The following NIBAN2 variants were observed in gnomAD, a reference collection of about 807,000 sequenced individuals.
NIBAN2 encodes niban apoptosis regulator 2, also known as protein Niban 2.
In NIBAN2, 36 loss-of-function variants were observed where a neutral mutation model predicts 81.8. The ratio of observed to expected loss-of-function variants is 0.44; its 90% CI spans 0.34 to 0.58. NIBAN2 has a LOEUF of 0.58. Among genes scored for constraint, NIBAN2 ranks in the 20% least tolerant of loss-of-function variants. The probability of loss-of-function intolerance (pLI) is 0.02; values close to 1 mark genes in which losing one functional copy is unlikely to be tolerated. For synonymous variants in NIBAN2, 445 were observed against 441.6 expected, an observed-to-expected ratio of 1.01 and a Z score of -0.10; for missense variants, 897 against 1,014.1, an observed-to-expected ratio of 0.88 and a Z score of 1.57.
In NIBAN2 at chr9:127,527,312, T is replaced by C. The variant is rs769087468; in HGVS notation, c.197A>G (p.Asp66Gly). ...GTTCCCCGAGAAGACGATGCGCTCGTCCAGTGGCACCTGTGGGCAGGAGCG... is the reference window on the plus strand; with the variant it reads ...GTTCCCCGAGAAGACGATGCGCTCGCCCAGTGGCACCTGTGGGCAGGAGCG... ...AQLLWRKVPLDERIVFSGNLF... is the reference protein window; with the variant it reads ...AQLLWRKVPLGERIVFSGNLF... Residue 66 changes from aspartate (D) to glycine (G), a missense_variant, in exon 3 of 14, where the codon GAC becomes GGC. By Grantham distance (94) the Asp-to-Gly change is moderately conservative. Coordinates refer to ENST00000373312, the MANE Select transcript of NIBAN2 (RefSeq NM_022833.4). 6.2e-7 allele frequency: 1 copy of C among 1,611,074 alleles called. No homozygotes were observed. The highest frequency in any genetic ancestry group is 8.5e-7 in the Non-Finnish European group (1 of 1,178,822).
At chr9:127,546,427 G>A (rs1366938622) in intron 1 of NIBAN2, among the ~76,000 whole-genome samples, 6 of 152,120 alleles carry the variant, frequency 3.9e-5, no homozygotes, top group African/African-American at 1.4e-4. Flanking sequence ...GCCCCCCACG[G>A]GCCTGGACAC....
At chr9:127,544,387 A>G (rs1109134) in intron 1 of NIBAN2, among the ~76,000 whole-genome samples, 150,554 of 152,332 alleles carry the variant, frequency 0.99, 74,426 homozygotes, top group East Asian at 1. Context: ...CAAGGTTGCT[A>G]GGGCAGGGAG....
At chr9:127,554,457 G>A (rs964867582) in intron 1 of NIBAN2, among the ~76,000 whole-genome samples, 1 of 152,022 alleles carries the variant, frequency 6.6e-6, no homozygotes, top group Non-Finnish European at 1.5e-5. Flanking sequence ...GGCTCCAGTC[G>A]GGCCAGAATG....
chr9:127,524,912 C>CA (rs1156758676), intron 4 of NIBAN2, 146 bp downstream of exon 4: 2 of 620,322 alleles, frequency 3.2e-6, no homozygotes, highest in African/African-American at 1.8e-5. Flanking sequence ...GAAAGGCAAA[C>CA]AATGAGGTCT....
At chr9:127,541,851 T>C (rs375227867) in intron 1 of NIBAN2, among the ~76,000 whole-genome samples, 1 of 152,142 alleles carries the variant, frequency 6.6e-6, no homozygotes, top group South Asian at 2.1e-4. Context: ...GGACCCCCCT[T>C]CTGGGCCTGA....
upstream of NIBAN2, among the ~76,000 whole-genome samples, chr9:127,571,498 C>A (rs1427212358): frequency 6.6e-6 from 1 of 152,088 alleles, no homozygotes; most frequent in African/African-American, 2.4e-5. Context: ...GAGTCTGAGA[C>A]CAGTCTGGCC....
At chr9:127,534,720 G>A (rs940641336) in intron 1 of NIBAN2, among the ~76,000 whole-genome samples, 1 of 152,144 alleles carries the variant, frequency 6.6e-6, no homozygotes, top group Non-Finnish European at 1.5e-5. Context: ...GGGAGGAAGG[G>A]GAGAACAAAT....
chr9:127,524,535 C>A (rs111413188), intron 4 of NIBAN2, among the ~76,000 whole-genome samples: 7,139 of 152,236 alleles, frequency 0.047, 548 homozygotes, highest in African/African-American at 0.16. Context: ...CTCGCCCAAG[C>A]AGACACAGTG....
intron 1 of NIBAN2, among the ~76,000 whole-genome samples, chr9:127,532,504 G>A (rs1302587219): frequency 6.6e-6 from 1 of 152,150 alleles, no homozygotes; most frequent in African/African-American, 2.4e-5. Context: ...ACTGAGGCAG[G>A]AGAATCACTT....
upstream of NIBAN2, among the ~76,000 whole-genome samples, chr9:127,569,279 C>G (rs28605390): frequency 0.31 from 45,204 of 148,112 alleles, 7,814 homozygotes; most frequent in African/African-American, 0.47. Flanking sequence ...GCCCCGCCCC[C>G]TCCGCTGCCT....
upstream of NIBAN2, among the ~76,000 whole-genome samples, chr9:127,571,856 T>C (rs919684922): frequency 6.6e-6 from 1 of 151,928 alleles, no homozygotes; most frequent in Non-Finnish European, 1.5e-5. Flanking sequence ...TGTCTAGGGA[T>C]GGGATGAAGG....
At chr9:127,575,230 CTTTT>C (rs11309796) in intron 1 of NIBAN2, among the ~76,000 whole-genome samples, 2 of 122,548 alleles carry the variant, frequency 1.6e-5, no homozygotes, top group Admixed American at 8.3e-5. Flanking sequence ...AATATGGATT[CTTTT>C]TTTTTTTTTT....
At chr9:127,533,588 C>G (rs1375846874) in intron 1 of NIBAN2, among the ~76,000 whole-genome samples, 1 of 152,222 alleles carries the variant, frequency 6.6e-6, no homozygotes, top group African/African-American at 2.4e-5. Flanking sequence ...GAGCTATGAT[C>G]GTGCAACTGC....
chr9:127,515,345 C>A (rs1471432337), intron 8 of NIBAN2, among the ~76,000 whole-genome samples: 3 of 151,790 alleles, frequency 2.0e-5, no homozygotes, highest in African/African-American at 7.3e-5. Flanking sequence ...ACGGTGAAAC[C>A]TTGTCTGTAC....
chr9:127,567,710 G>A (rs911639829), intron 1 of NIBAN2, among the ~76,000 whole-genome samples: 2 of 152,196 alleles, frequency 1.3e-5, no homozygotes, highest in Non-Finnish European at 1.5e-5. Flanking sequence ...GCGGTGCTCA[G>A]GGCCCACTAG....
intron 1 of NIBAN2, among the ~76,000 whole-genome samples, chr9:127,566,737 C>A (rs1837865545): frequency 6.6e-6 from 1 of 152,136 alleles, no homozygotes; most frequent in South Asian, 2.1e-4. Flanking sequence ...TAATTGCCAG[C>A]TTTGAGAGTA....
intron 9 of NIBAN2, 116 bp from the exon 10 acceptor site, chr9:127,509,247 A>T: frequency 1.0e-6 from 1 of 986,614 alleles, no homozygotes; most frequent in Non-Finnish European, 1.5e-6. Flanking sequence ...GCCTGCTACC[A>T]GGGATGGCCA....
rs1275219530 is a variant in NIBAN2, at chr9:127,507,524, G to A, written c.1655-93C>T. ...GCTCAAAGAAGACCCGTCTCATCCC[G>A]CCTTGGGGGTCTGTGGTTGGGATGT... On this transcript the variant is annotated intron_variant, in intron 13 of 13. Coordinates refer to ENST00000373312, the MANE Select transcript of NIBAN2 (RefSeq NM_022833.4). The surrounding 1 kb of genome is among the most constrained non-coding windows in gnomAD (Gnocchi z 6.8). The A allele has an allele frequency of 1.5e-5, 17 of 1,129,598 alleles. No homozygotes were observed. The highest frequency in any genetic ancestry group is 2.7e-4 in the Middle Eastern group (1 of 3,642). 70.0% of individuals were successfully genotyped at this position (1,129,598 alleles called of 1,614,324 possible).
intron 1 of NIBAN2, among the ~76,000 whole-genome samples, chr9:127,541,219 C>T (rs1040335705): frequency 1.3e-5 from 2 of 152,190 alleles, no homozygotes; most frequent in African/African-American, 2.4e-5. Flanking sequence ...ACAGCACATC[C>T]AACAGAGCTG....
Sources: gnomAD v4.1 joint callset for allele counts (sites outside exome capture counted in the v4.1 genomes callset) on GRCh38, gnomAD v4.1.1 for gene constraint, Gnocchi (gnomAD v3.1) non-coding constraint, MANE v1.5 for transcripts, NCBI Gene and HGNC (gene_info 2026-07-23, HGNC 2026-07-21) for gene names.